Variants in PLEKHD1 observed in about 807,000 individuals in gnomAD.
PLEKHD1 encodes the protein pleckstrin homology and coiled-coil domain containing D1, also known as pleckstrin homology domain-containing family D member 1.
A neutral mutation model predicts 69.2 loss-of-function variants in PLEKHD1; 51 were observed. The observed-to-expected ratio is 0.74, with a 90% CI of 0.59 to 0.93. The LOEUF (loss-of-function observed/expected upper bound fraction) is 0.93. Ranked by LOEUF, PLEKHD1 falls within the 40% of genes least tolerant of loss-of-function variation. The pLI is 0.00. For synonymous variants in PLEKHD1, 236 were observed against 244.7 expected (o/e 0.96, Z 0.33); for missense variants, 584 against 641.0 (o/e 0.91, Z 0.96).
chr14:69,524,535 T>A (rs1883596295), intron 8 of PLEKHD1, among the ~76,000 whole-genome samples: 1 of 152,142 alleles, frequency 6.6e-6, no homozygotes, highest in Non-Finnish European at 1.5e-5. Flanking sequence ...TTCTCAGACC[T>A]AAAAGGACAA....
At chr14:69,477,762 G>A in the PLEKHD1 span, among the ~76,000 whole-genome samples, 10 of 152,228 alleles carry the variant, frequency 6.6e-5, no homozygotes, top group Non-Finnish European at 1.5e-5. Flanking sequence ...GATGCAAGAG[G>A]TAGGTTCCCA....
chr14:69,528,154 A>G (rs963769664), intron 12 of PLEKHD1, 96 bp from the exon 13 acceptor site: 1 of 1,471,156 alleles, frequency 6.8e-7, no homozygotes, highest in African/African-American at 1.4e-5. Flanking sequence ...CTTGGCACAC[A>G]TAAAGGAGTG....
intron 1 of PLEKHD1, among the ~76,000 whole-genome samples, chr14:69,486,395 C>T (rs369910339): frequency 6.6e-6 from 1 of 152,176 alleles, no homozygotes; most frequent in South Asian, 2.1e-4. Flanking sequence ...TAATGGGATA[C>T]AGGCTTCTTG....
intron 11 of PLEKHD1, 56 bp downstream of exon 11, chr14:69,527,388 A>G (rs1883680516): frequency 6.5e-7 from 1 of 1,547,788 alleles, no homozygotes; most frequent in Non-Finnish European, 8.7e-7. Context: ...CCCAGATGGG[A>G]TCCCGGCCCT....
chr14:69,508,632 T>C (rs780012371), intron 6 of PLEKHD1, among the ~76,000 whole-genome samples: 1 of 152,072 alleles, frequency 6.6e-6, no homozygotes, highest in Admixed American at 6.6e-5. Context: ...ACTGAACAAA[T>C]GGGGGCAAAC....
chr14:69,472,711 A>G, the PLEKHD1 span, among the ~76,000 whole-genome samples: 9 of 152,164 alleles, frequency 5.9e-5, no homozygotes, highest in African/African-American at 2.2e-4. Context: ...CCTAGGAGCA[A>G]TAGGCTGTAC....
intron 6 of PLEKHD1, among the ~76,000 whole-genome samples, chr14:69,508,831 C>T: frequency 6.6e-6 from 1 of 152,160 alleles, no homozygotes. Flanking sequence ...TGTGAGACTG[C>T]ATTCTTTGAA....
chr14:69,507,678 G>A (rs762791194), intron 6 of PLEKHD1, among the ~76,000 whole-genome samples: 1 of 152,196 alleles, frequency 6.6e-6, no homozygotes, highest in Non-Finnish European at 1.5e-5. Context: ...ATTTGGTGTT[G>A]TCAGGGATTT....
the PLEKHD1 span, among the ~76,000 whole-genome samples, chr14:69,476,810 A>G: frequency 6.6e-6 from 1 of 152,122 alleles, no homozygotes; most frequent in Non-Finnish European, 1.5e-5. Context: ...TATTTGTATT[A>G]GTCTGTTTTC....
At chr14:69,505,837 C>G (rs746596244) in intron 6 of PLEKHD1, among the ~76,000 whole-genome samples, 2 of 152,214 alleles carry the variant, frequency 1.3e-5, no homozygotes, top group Non-Finnish European at 2.9e-5. Context: ...GACTCATCTT[C>G]CCAGAGCCGG....
At chr14:69,480,133 C>T (rs948347423), upstream of PLEKHD1, among the ~76,000 whole-genome samples, 11 of 152,306 alleles carry the variant, frequency 7.2e-5, no homozygotes, top group East Asian at 3.9e-4. Flanking sequence ...CAAAGATCCA[C>T]GGGAAGACAG....
At chr14:69,510,461 G>A (rs1205200227) in intron 6 of PLEKHD1, among the ~76,000 whole-genome samples, 1 of 151,904 alleles carries the variant, frequency 6.6e-6, no homozygotes, top group Non-Finnish European at 1.5e-5. Flanking sequence ...CAATGGTAAT[G>A]TGTTGTTACA....
In PLEKHD1 at chr14:69,499,225, GCACACACACACACACACACACACACA is replaced by G. The variant is rs10551303; in HGVS notation, c.150-874_150-849del. Among the ~76,000 whole-genome samples the G allele has an allele frequency of 7.9e-3, 1,135 of 144,426 alleles. 14 individuals carry two copies. Among genetic ancestry groups the G allele is most frequent in the African/African-American group, 0.028 (1,081 of 39,302 alleles). The allele number at this position is 144,426 out of a possible 152,430, so 94.7% of individuals were successfully genotyped here. On this transcript the variant is annotated intron_variant, in intron 1 of 12. Coordinates refer to ENST00000322564, the MANE Select transcript of PLEKHD1 (RefSeq NM_001161498.2). ...ATGTAAACTTTAAACTCTCATACGT[GCACACACACACACACACACACACACA>G]CACACACACACACACTCACACCAGC...
intron 1 of PLEKHD1, among the ~76,000 whole-genome samples, chr14:69,498,662 T>TCTTCTCTTCTCTTC (rs1566557403): frequency 4.4e-4 from 60 of 135,200 alleles, no homozygotes; most frequent in East Asian, 2.4e-3. Context: ...TCTTCTCTTC[T>TCTTCTCTTCTCTTC]TTGAGATGGA....
Position 69,530,390 on chromosome 14 carries a change from C to T in PLEKHD1, c.*1971C>T, listed in dbSNP as rs961491528. On this transcript the variant is annotated 3_prime_UTR_variant, in exon 13 of 13. Coordinates refer to ENST00000322564, the MANE Select transcript of PLEKHD1 (RefSeq NM_001161498.2). ...CTGAGCCTAAATGTAAAACTTTAAA[C>T]GTGTATAACATGCATAAACCTGGAA... The T allele has an allele frequency of 6.6e-5, 10 of 152,176 alleles. No individual in the cohort carries two copies. Among genetic ancestry groups the T allele is most frequent in the Non-Finnish European group, 1.5e-4 (10 of 68,046 alleles). 9.4% of individuals were successfully genotyped at this position (152,176 alleles called of 1,614,324 possible). A position where few individuals can be genotyped will look rare whatever the true frequency, so the allele number is the denominator to read the frequency against.
chr14:69,506,096 A>G (rs1883146455), intron 6 of PLEKHD1, among the ~76,000 whole-genome samples: 1 of 152,202 alleles, frequency 6.6e-6, no homozygotes, highest in African/African-American at 2.4e-5. Context: ...AAAATGTGCC[A>G]CTACAACTGA....
intron 1 of PLEKHD1, among the ~76,000 whole-genome samples, chr14:69,496,565 A>C (rs1882892228): frequency 6.6e-6 from 1 of 152,048 alleles, no homozygotes; most frequent in Non-Finnish European, 1.5e-5. Context: ...TTGATCTGTC[A>C]CCCAGGCTGG....
In PLEKHD1 at chr14:69,527,778, C is replaced by T. The variant is rs1883690953; in HGVS notation, c.1202-5C>T. 1 of 1,551,472 alleles carries T rather than the reference C, an allele frequency of 6.4e-7. No homozygotes were observed. The highest frequency in any genetic ancestry group is 8.7e-7 in the Non-Finnish European group (1 of 1,147,006). ...ACCCCACCCTTCCTGGCCCTGCCGC[C>T]ACAGGGTTCTTTGAGGAGTGCATCC... On this transcript the variant is annotated splice_polypyrimidine_tract_variant and splice_region_variant and intron_variant, in intron 11 of 12. Coordinates refer to ENST00000322564, the MANE Select transcript of PLEKHD1 (RefSeq NM_001161498.2).
At chr14:69,504,229 G>C (rs751615340) in intron 6 of PLEKHD1, among the ~76,000 whole-genome samples, 115 of 152,210 alleles carry the variant, frequency 7.6e-4, no homozygotes, top group Non-Finnish European at 1.1e-3. Context: ...TGCTGCAAGT[G>C]AACTGTCTGA....
Sources: gnomAD v4.1 joint callset for allele counts (sites outside exome capture counted in the v4.1 genomes callset) on GRCh38, gnomAD v4.1.1 for gene constraint, MANE v1.5 for transcripts, NCBI Gene and HGNC (gene_info 2026-07-23, HGNC 2026-07-21) for gene names.